The following PTPN14 variants were observed in gnomAD, a reference collection of about 807,000 sequenced individuals.
The protein encoded by PTPN14 is tyrosine-protein phosphatase non-receptor type 14.
Under a neutral mutation model 126.8 loss-of-function variants are expected in PTPN14, and 53 were observed. The ratio of observed to expected loss-of-function variants is 0.42; its 90% confidence interval spans 0.34 to 0.53. The LOEUF (loss-of-function observed/expected upper bound fraction) is 0.53, where lower values mean the gene tolerates loss of function less well. Ranked by LOEUF, PTPN14 falls within the 20% of genes least tolerant of loss-of-function variation. The pLI, the probability that PTPN14 is intolerant of heterozygous loss-of-function variation, is 0.08. For synonymous variants in PTPN14, 630 were observed against 599.3 expected (o/e 1.05, Z -0.75); for missense variants, 1,257 against 1,552.9 (o/e 0.81, Z 3.20).
At chr1:214,520,065 A>AATATATATATATAT (rs1553274995) in intron 1 of PTPN14, among the ~76,000 whole-genome samples, 52 of 71,064 alleles carry the variant, frequency 7.3e-4, no homozygotes, top group East Asian at 3.3e-3. Flanking sequence ...AAAAAAAAAA[A>AATATATATATATAT]ATATATATAT....
At chr1:214,372,452 A>T in intron 16 of PTPN14, 1 of 436,914 alleles carries the variant, frequency 2.3e-6, no homozygotes, top group Non-Finnish European at 4.1e-6. Flanking sequence ...TTTTCAGTTT[A>T]GTGCATTACA....
At chr1:214,366,879 G>A (rs369566171) in intron 17 of PTPN14, among the ~76,000 whole-genome samples, 15 of 151,524 alleles carry the variant, frequency 9.9e-5, no homozygotes, top group African/African-American at 3.4e-4. Flanking sequence ...GCTACTCGGA[G>A]AGGCTGAGGC....
chr1:214,390,346 T>A (rs938148035), intron 11 of PTPN14, among the ~76,000 whole-genome samples: 3 of 152,234 alleles, frequency 2.0e-5, no homozygotes, highest in African/African-American at 4.8e-5. Flanking sequence ...TGTGTTTCCT[T>A]ATTCACATGA....
intron 1 of PTPN14, among the ~76,000 whole-genome samples, chr1:214,520,065 A>ATATATAT (rs1553274992): frequency 2.1e-4 from 15 of 71,106 alleles, no homozygotes; most frequent in African/African-American, 1.0e-3. Context: ...AAAAAAAAAA[A>ATATATAT]ATATATATAT....
rs1441167660 is a variant in PTPN14, at chr1:214,449,961, T to C, written c.344+1844A>G. ...GCCTGGGAAATACAGCGAGACTTCA[T>C]CTCTACAAAATTAGAAGAAAATTTA... On this transcript the variant is annotated intron_variant, in intron 3 of 18. Coordinates refer to ENST00000366956, the MANE Select transcript of PTPN14 (RefSeq NM_005401.5). Among the ~76,000 whole-genome samples, 3 of 151,708 alleles carry C rather than the reference T, an allele frequency of 2.0e-5. No homozygotes were observed. The East Asian group carries it at 5.8e-4, about 29-fold the overall frequency.
chr1:214,426,830 T>C (rs1571992921), intron 3 of PTPN14, among the ~76,000 whole-genome samples: 1 of 152,154 alleles, frequency 6.6e-6, no homozygotes, highest in East Asian at 1.9e-4. Context: ...GATGCCAGTG[T>C]GGGGCAGTCA....
rs575135403 is a variant in PTPN14, at chr1:214,479,336, C to T, written c.-154-14379G>A. Among the ~76,000 whole-genome samples, 61 of 149,006 alleles carry T rather than the reference C, an allele frequency of 4.1e-4. No individual in the cohort carries two copies. In the South Asian group the frequency reaches 0.012, roughly 30 times the overall value. ...TCCAACTGGGGCAACAGAGCAAAACCCTGTCTTTTTTTTTTTTTTTTGAGA... is the reference window on the plus strand; with the variant it reads ...TCCAACTGGGGCAACAGAGCAAAACTCTGTCTTTTTTTTTTTTTTTTGAGA... On this transcript the variant is annotated intron_variant, in intron 1 of 18. Transcript: ENST00000366956.
chr1:214,427,276 CAAAAAAAA>C (rs5741915), intron 3 of PTPN14, among the ~76,000 whole-genome samples: 3 of 65,204 alleles, frequency 4.6e-5, no homozygotes, highest in Non-Finnish European at 8.1e-5. Flanking sequence ...GTCTCCATCT[CAAAAAAAA>C]AAAAAAAAAA....
intron 18 of PTPN14, among the ~76,000 whole-genome samples, chr1:214,361,684 T>G (rs1657958864): frequency 6.6e-6 from 1 of 152,258 alleles, no homozygotes; most frequent in Non-Finnish European, 1.5e-5. Flanking sequence ...TGTAATTAGC[T>G]GTAGCTGGAA....
rs561470300 is a variant in PTPN14 at position 214,492,510 on chromosome 1, A to G, written c.-154-27553T>C. 4.6e-5 allele frequency among the ~76,000 whole-genome samples: 7 copies of G among 152,376 alleles called. 1 individual carries two copies. In the Middle Eastern group the frequency reaches 0.014, roughly 296 times the overall value. ...TTTGCATGACCCTAAGGAGAATCAG[A>G]TTAAAGTTTTGTGTATACGTTGGGA... On this transcript the variant is annotated intron_variant, in intron 1 of 18. Coordinates refer to ENST00000366956, the MANE Select transcript of PTPN14 (RefSeq NM_005401.5).
intron 3 of PTPN14, among the ~76,000 whole-genome samples, chr1:214,422,981 T>C (rs1452829046): frequency 1.3e-5 from 2 of 152,104 alleles, no homozygotes; most frequent in Non-Finnish European, 1.5e-5. Flanking sequence ...CCCTCGAGAC[T>C]ATGACAAAAA....
intron 3 of PTPN14, among the ~76,000 whole-genome samples, chr1:214,451,359 G>C (rs1312372946): frequency 6.6e-6 from 1 of 151,886 alleles, no homozygotes; most frequent in Admixed American, 6.6e-5. Context: ...GTAGAGACAG[G>C]GTCTTGCTAT....
rs71165974 is a variant in PTPN14, at chr1:214,465,951, C to CT, written c.-154-995dup. 1.4e-3 allele frequency among the ~76,000 whole-genome samples: 85 copies of CT among 59,016 alleles called. 16 individuals carry two copies. Among genetic ancestry groups the CT allele is most frequent in the East Asian group, 3.0e-3 (6 of 2,020 alleles). 38.7% of individuals were successfully genotyped at this position (59,016 alleles called of 152,430 possible). A position where few individuals can be genotyped will look rare whatever the true frequency, so the allele number is the denominator to read the frequency against. The stretch of plus-strand genomic sequence containing the variant: ...TGCATTTAATATAATCAGTTACTTC[C>CT]TTTTTTTTTTTTTTTTTTTTGTGAA... On this transcript the variant is annotated intron_variant, in intron 1 of 18. Coordinates refer to ENST00000366956, the MANE Select transcript of PTPN14 (RefSeq NM_005401.5).
chr1:214,433,564 T>C (rs989834919), intron 3 of PTPN14, among the ~76,000 whole-genome samples: 1 of 152,064 alleles, frequency 6.6e-6, no homozygotes, highest in Admixed American at 6.5e-5. Flanking sequence ...GTAGAGATGA[T>C]TGACAAATAG....
intron 3 of PTPN14, among the ~76,000 whole-genome samples, chr1:214,428,703 C>G (rs904349247): frequency 3.3e-5 from 5 of 152,160 alleles, no homozygotes; most frequent in African/African-American, 1.2e-4. Flanking sequence ...AATAAGTGGA[C>G]AGGTGGTAGG....
intron 3 of PTPN14, among the ~76,000 whole-genome samples, chr1:214,451,517 C>T (rs1248180817): frequency 6.6e-6 from 1 of 152,062 alleles, no homozygotes; most frequent in Non-Finnish European, 1.5e-5. Flanking sequence ...TACCCACAGT[C>T]TCCGATGAAT....
intron 1 of PTPN14, chr1:214,532,554 G>A: frequency 3.7e-6 from 4 of 1,070,766 alleles, no homozygotes. Context: ...CCAGGTCAGA[G>A]ACTGGGGGCC....
intron 1 of PTPN14, chr1:214,532,614 T>G (rs565947321): frequency 1.1e-6 from 1 of 918,508 alleles, no homozygotes; most frequent in East Asian, 2.4e-5. Flanking sequence ...TAGCAAATAC[T>G]GTGGACAATG....
chr1:214,489,547 T>C (rs961715171), intron 1 of PTPN14, among the ~76,000 whole-genome samples: 1 of 152,304 alleles, frequency 6.6e-6, no homozygotes, highest in East Asian at 1.9e-4. Context: ...TCCAGGAAAG[T>C]TCTCTAAATT....
Sources: allele counts gnomAD v4.1 joint callset (sites outside exome capture counted in the v4.1 genomes callset), GRCh38; gene constraint gnomAD v4.1.1; transcripts MANE v1.5; gene names NCBI Gene and HGNC (gene_info 2026-07-23, HGNC 2026-07-21).